Variants in NCKAP5 observed in about 807,000 individuals in gnomAD.
The protein encoded by NCKAP5 is nck-associated protein 5.
Under a neutral mutation model 167.0 loss-of-function variants are expected in NCKAP5, and 92 were observed. That is an observed-to-expected ratio of 0.55 (90% CI 0.47 to 0.66). The LOEUF (loss-of-function observed/expected upper bound fraction) is 0.66. NCKAP5 is among the 30% of genes least tolerant of loss of function. NCKAP5 has a pLI of 0.00. For synonymous variants in NCKAP5, 891 were observed against 877.4 expected (o/e 1.02, Z -0.27); for missense variants, 2,378 against 2,315.0 (o/e 1.03, Z -0.56).
At chr2:133,130,930 C>T (rs777054849) in intron 5 of NCKAP5, among the ~76,000 whole-genome samples, 19 of 152,174 alleles carry the variant, frequency 1.2e-4, no homozygotes, top group Non-Finnish European at 2.5e-4. Context: ...GCATTTTGTA[C>T]ACAGGATATA....
At chr2:133,248,336 C>A (rs2088113112) in intron 4 of NCKAP5, among the ~76,000 whole-genome samples, 2 of 152,246 alleles carry the variant, frequency 1.3e-5, no homozygotes, top group Non-Finnish European at 2.9e-5. Context: ...GAAAGGGTTT[C>A]TTTTCTTCTA....
intron 9 of NCKAP5, among the ~76,000 whole-genome samples, chr2:132,874,385 G>C (rs1420749033): frequency 6.6e-6 from 1 of 152,112 alleles, no homozygotes; most frequent in Non-Finnish European, 1.5e-5. Flanking sequence ...TGGGATTACA[G>C]GTGTGAGCCA....
upstream of NCKAP5, among the ~76,000 whole-genome samples, chr2:133,570,666 C>T (rs1172715626): frequency 6.6e-6 from 1 of 152,170 alleles, no homozygotes; most frequent in Non-Finnish European, 1.5e-5. Flanking sequence ...TCCTGTTTGA[C>T]AAATGAAGTT....
intron 19 of NCKAP5, among the ~76,000 whole-genome samples, chr2:132,681,691 T>C (rs1014964069): frequency 1.3e-5 from 2 of 152,186 alleles, no homozygotes; most frequent in Non-Finnish European, 1.5e-5. Flanking sequence ...GTGGACATCA[T>C]AGAATTATAC....
At chr2:133,330,948 C>T (rs1340839079) in intron 3 of NCKAP5, among the ~76,000 whole-genome samples, 1 of 152,090 alleles carries the variant, frequency 6.6e-6, no homozygotes, top group Non-Finnish European at 1.5e-5. Context: ...CACATATTAA[C>T]TCATTTAATA....
intron 1 of NCKAP5, among the ~76,000 whole-genome samples, chr2:133,567,205 T>C (rs1397897305): frequency 6.6e-6 from 1 of 152,214 alleles, no homozygotes; most frequent in Non-Finnish European, 1.5e-5. Context: ...GATTTGCTAC[T>C]GGTTGCAAGA....
chr2:133,046,481 TG>T (rs1190039243), intron 6 of NCKAP5, among the ~76,000 whole-genome samples: 1 of 152,082 alleles, frequency 6.6e-6, no homozygotes, highest in African/African-American at 2.4e-5. Context: ...CCAGCTCAAG[TG>T]ATCCTCCGAC....
At chr2:133,595,800 A>G in the NCKAP5 span, among the ~76,000 whole-genome samples, 4 of 152,170 alleles carry the variant, frequency 2.6e-5, no homozygotes, top group Admixed American at 2.0e-4. Context: ...ATGTAAACAA[A>G]CAAGCATGGC....
chr2:132,783,524 G>T lies in NCKAP5; in HGVS notation c.3287C>A (p.Ala1096Asp), dbSNP rs1416742702. The T allele has an allele frequency of 2.5e-6, 4 of 1,613,454 alleles. No homozygotes were observed. In the East Asian group the frequency reaches 6.7e-5, roughly 27 times the overall value. The change falls in exon 14 of 20, where the codon GCC becomes GAC. Residue 1096 changes from alanine (A) to aspartate (D), a missense_variant. Ala to Asp is a moderately radical substitution (Grantham distance 126, BLOSUM62 -2). Transcript: ENST00000409261. The stretch of plus-strand genomic sequence containing the variant: ...GAAGGAAGGCTTGGGGGGTGTGGAG[G>T]CGCTATCATTCAATTGTCCTTTTCT... ...PGRKGQLNDS[A>D]STPPKPSFLG...
rs1367851703 is a variant in NCKAP5 at position 132,933,053 on chromosome 2, C to T, written c.579+30667G>A. 4.6e-5 allele frequency among the ~76,000 whole-genome samples: 7 copies of T among 151,612 alleles called. No homozygotes were observed. The East Asian group carries it at 7.8e-4, about 17-fold the overall frequency. On this transcript the variant is annotated intron_variant, in intron 8 of 19. Transcript: ENST00000409261. Reference sequence around the variant, plus strand: ...CATTCTCCTGCCTCAGCCTCCCGAGCAGCTGGGACTACAGGCACCTGCCAC... The same window carrying T: ...CATTCTCCTGCCTCAGCCTCCCGAGTAGCTGGGACTACAGGCACCTGCCAC...
rs575892864 is a variant in NCKAP5 at position 133,502,925 on chromosome 2, C to A, written c.69+14533G>T. ...AGGAGGGACTTGGATGGAAGTTGGC[C>A]CCTTTCCCTTGCTCTATGTTGCGAT... On this transcript the variant is annotated intron_variant, in intron 3 of 19. Transcript: ENST00000409261. Among the ~76,000 whole-genome samples the A allele has an allele frequency of 1.2e-4, 19 of 152,234 alleles. 1 individual carries two copies. In the South Asian group the frequency reaches 1.7e-3, roughly 13 times the overall value.
At chr2:133,196,563 A>G (rs544479336) in intron 5 of NCKAP5, among the ~76,000 whole-genome samples, 2 of 152,314 alleles carry the variant, frequency 1.3e-5, no homozygotes, top group Admixed American at 6.5e-5. Flanking sequence ...AATCCTAGAC[A>G]TGGAACATCT....
intron 6 of NCKAP5, among the ~76,000 whole-genome samples, chr2:133,116,782 T>C (rs1202197868): frequency 2.6e-5 from 4 of 152,228 alleles, no homozygotes; most frequent in African/African-American, 7.2e-5. Flanking sequence ...TTAGTGGCTG[T>C]GTGGCCTTTG....
chr2:132,687,712 A>AAC (rs3069016), intron 19 of NCKAP5, among the ~76,000 whole-genome samples: 8,405 of 131,502 alleles, frequency 0.064, 288 homozygotes, highest in East Asian at 0.14. Context: ...CACCTACCTA[A>AAC]ACACACACAC....
intron 6 of NCKAP5, among the ~76,000 whole-genome samples, chr2:133,032,966 G>A (rs985173367): frequency 9.2e-5 from 14 of 152,110 alleles, no homozygotes; most frequent in Non-Finnish European, 1.8e-4. Context: ...AGAGCAAGGG[G>A]AAAATCTGCC....
At chr2:133,254,580 C>A (rs2088521780) in intron 4 of NCKAP5, among the ~76,000 whole-genome samples, 2 of 152,144 alleles carry the variant, frequency 1.3e-5, no homozygotes. Context: ...ATAATATCAA[C>A]AAGGAGGAAA....
chr2:132,761,853 T>C (rs964020362), intron 16 of NCKAP5, among the ~76,000 whole-genome samples: 6 of 152,286 alleles, frequency 3.9e-5, no homozygotes, highest in Middle Eastern at 3.4e-3. Flanking sequence ...TCATGTAATA[T>C]ATGCATGTAC....
At chr2:133,188,184 C>CTT (rs2085038029) in intron 5 of NCKAP5, among the ~76,000 whole-genome samples, 1 of 151,790 alleles carries the variant, frequency 6.6e-6, no homozygotes, top group Non-Finnish European at 1.5e-5. Flanking sequence ...GACAAAATCT[C>CTT]TCAGCATTTG....
At chr2:133,501,549 A>G (rs770678808) in intron 3 of NCKAP5, among the ~76,000 whole-genome samples, 34 of 152,238 alleles carry the variant, frequency 2.2e-4, no homozygotes, top group Non-Finnish European at 3.7e-4. Context: ...TAACTTTACT[A>G]ATCAGAATAT....
Sources: allele counts gnomAD v4.1 joint callset (sites outside exome capture counted in the v4.1 genomes callset), GRCh38; gene constraint gnomAD v4.1.1; transcripts MANE v1.5; gene names NCBI Gene and HGNC (gene_info 2026-07-23, HGNC 2026-07-21).